Variants in EPHA6 observed in about 807,000 individuals in gnomAD.
EPHA6 encodes EPH receptor A6, also known as ephrin type-A receptor 6.
EPHA6 carries 50 observed loss-of-function variants against 112.0 expected under a neutral mutation model. That is an observed-to-expected ratio of 0.45 (90% CI 0.36 to 0.56). The LOEUF is 0.56. Ranked by LOEUF, EPHA6 falls within the 20% of genes least tolerant of loss-of-function variation. The probability of loss-of-function intolerance (pLI) is 0.00; values close to 1 mark genes in which losing one functional copy is unlikely to be tolerated. For missense variants in EPHA6, 1,280 were observed against 1,417.4 expected (o/e 0.90, Z 1.56); for synonymous variants, 529 against 490.7 (o/e 1.08, Z -1.03).
intron 5 of EPHA6, among the ~76,000 whole-genome samples, chr3:97,392,657 A>C (rs1003380554): frequency 6.6e-6 from 1 of 151,868 alleles, no homozygotes; most frequent in Non-Finnish European, 1.5e-5. Context: ...TTGCATGTAA[A>C]GCTTTATCTG....
At chr3:97,134,346 A>C (rs940526809) in intron 3 of EPHA6, among the ~76,000 whole-genome samples, 1 of 152,136 alleles carries the variant, frequency 6.6e-6, no homozygotes, top group African/African-American at 2.4e-5. Context: ...AGAATCATAC[A>C]GGGAGCCTTT....
chr3:97,183,569 A>T lies in EPHA6; in HGVS notation c.1115-42695A>T, dbSNP rs373038758. On this transcript the variant is annotated intron_variant, in intron 3 of 17. Coordinates refer to ENST00000389672, the MANE Select transcript of EPHA6 (RefSeq NM_001080448.3). ...ATTCTAAACTAATTTATGTAAAAAG[A>T]AATAGTTTATTCTAGGTAGATTTTT... Among the ~76,000 whole-genome samples, 3 of 152,266 alleles carry T rather than the reference A, an allele frequency of 2.0e-5. No homozygotes were observed. The South Asian group carries it at 6.2e-4, about 32-fold the overall frequency.
At chr3:97,000,133 G>A (rs565983714) in intron 3 of EPHA6, among the ~76,000 whole-genome samples, 2 of 151,714 alleles carry the variant, frequency 1.3e-5, no homozygotes, top group South Asian at 2.1e-4. Flanking sequence ...TATTACTGTT[G>A]TGTAATATAG....
chr3:97,269,134 T>C (rs1309996217), intron 5 of EPHA6, among the ~76,000 whole-genome samples: 3 of 152,188 alleles, frequency 2.0e-5, no homozygotes, highest in African/African-American at 7.2e-5. Context: ...TCATCAGTTG[T>C]TCCCAGATTT....
chr3:96,867,128 T>C (rs2036362184), intron 2 of EPHA6, among the ~76,000 whole-genome samples: 1 of 151,906 alleles, frequency 6.6e-6, no homozygotes, highest in African/African-American at 2.4e-5. Flanking sequence ...ATAGTGACAT[T>C]AGAATATCTC....
At chr3:97,516,861 T>C (rs905110398) in intron 10 of EPHA6, among the ~76,000 whole-genome samples, 4 of 152,200 alleles carry the variant, frequency 2.6e-5, no homozygotes, top group Non-Finnish European at 4.4e-5. Context: ...CTTCTACATC[T>C]ACCCTAGAAT....
intron 3 of EPHA6, among the ~76,000 whole-genome samples, chr3:97,180,286 G>T (rs577379018): frequency 6.6e-6 from 1 of 152,102 alleles, no homozygotes; most frequent in East Asian, 1.9e-4. Context: ...AGGGCATTGG[G>T]CACTCCTCTG....
intron 5 of EPHA6, among the ~76,000 whole-genome samples, chr3:97,278,797 AT>A (rs2080187124): frequency 6.6e-6 from 1 of 152,158 alleles, no homozygotes; most frequent in South Asian, 2.1e-4. Context: ...ATTTAGGGGT[AT>A]TGGCCTGCAC....
intron 1 of EPHA6, among the ~76,000 whole-genome samples, chr3:96,816,179 A>G (rs2032768151): frequency 6.6e-6 from 1 of 152,228 alleles, no homozygotes; most frequent in South Asian, 2.1e-4. Flanking sequence ...AGAAATGTTC[A>G]GAATCAGAAT....
At chr3:97,031,605 A>G (rs1457574916) in intron 3 of EPHA6, among the ~76,000 whole-genome samples, 3 of 152,140 alleles carry the variant, frequency 2.0e-5, no homozygotes, top group Non-Finnish European at 4.4e-5. Flanking sequence ...TACAAGAAAA[A>G]AACAAACAAC....
At chr3:97,412,525 A>C (rs2087797168) in intron 6 of EPHA6, among the ~76,000 whole-genome samples, 1 of 152,068 alleles carries the variant, frequency 6.6e-6, no homozygotes, top group South Asian at 2.1e-4. Flanking sequence ...CCATGACTGC[A>C]GAAGCTTATT....
chr3:97,663,708 C>T (rs1387059655), intron 14 of EPHA6, among the ~76,000 whole-genome samples: 2 of 152,036 alleles, frequency 1.3e-5, no homozygotes, highest in East Asian at 3.9e-4. Flanking sequence ...TGTATATGTG[C>T]CACATTTTCT....
chr3:96,906,494 C>G (rs1283572472), intron 2 of EPHA6, among the ~76,000 whole-genome samples: 1 of 152,098 alleles, frequency 6.6e-6, no homozygotes, highest in African/African-American at 2.4e-5. Flanking sequence ...GTCTTGAACA[C>G]TCTTCCAACA....
At chr3:96,892,774 C>A (rs1157831693) in intron 2 of EPHA6, among the ~76,000 whole-genome samples, 1 of 151,642 alleles carries the variant, frequency 6.6e-6, no homozygotes, top group Non-Finnish European at 1.5e-5. Context: ...AGTTTGAAAC[C>A]TTTTAACCTG....
chr3:97,027,454 G>A (rs897773590), intron 3 of EPHA6, among the ~76,000 whole-genome samples: 19 of 151,950 alleles, frequency 1.3e-4, no homozygotes, highest in Admixed American at 1.2e-3. Flanking sequence ...TAAAAAAAGA[G>A]TAGCCACTAG....
intron 7 of EPHA6, among the ~76,000 whole-genome samples, chr3:97,452,453 A>G (rs1434842496): frequency 1.3e-5 from 2 of 151,900 alleles, no homozygotes; most frequent in East Asian, 1.9e-4. Flanking sequence ...TTCGCATTTT[A>G]TGTATTTTCT....
At chr3:96,874,927 A>G (rs1308885761) in intron 2 of EPHA6, among the ~76,000 whole-genome samples, 2 of 152,086 alleles carry the variant, frequency 1.3e-5, no homozygotes, top group Non-Finnish European at 2.9e-5. Context: ...AAAAAATCCA[A>G]TAACTAAAGG....
At chr3:97,332,598 A>G (rs925866701) in intron 5 of EPHA6, among the ~76,000 whole-genome samples, 1 of 152,070 alleles carries the variant, frequency 6.6e-6, no homozygotes, top group African/African-American at 2.4e-5. Flanking sequence ...TCTAAATTTA[A>G]GTATATTTAC....
intron 2 of EPHA6, among the ~76,000 whole-genome samples, chr3:96,900,086 T>C (rs2038521122): frequency 2.0e-5 from 3 of 152,206 alleles, no homozygotes; most frequent in Admixed American, 2.0e-4. Context: ...GGAATTATTA[T>C]TAATTACCCT....
Sources: gnomAD v4.1 joint callset for allele counts (sites outside exome capture counted in the v4.1 genomes callset) on GRCh38, gnomAD v4.1.1 for gene constraint, MANE v1.5 for transcripts, NCBI Gene and HGNC (gene_info 2026-07-23, HGNC 2026-07-21) for gene names.